The following ZCCHC7 variants were observed in gnomAD, a reference collection of about 807,000 sequenced individuals.
The protein encoded by ZCCHC7 is zinc finger CCHC-type containing 7.
A neutral mutation model predicts 52.0 loss-of-function variants in ZCCHC7; 35 were observed. The observed-to-expected ratio is 0.67, with a 90% CI of 0.51 to 0.89. The LOEUF (loss-of-function observed/expected upper bound fraction) is 0.89. ZCCHC7 is among the 40% of genes least tolerant of loss of function. The pLI, the probability that ZCCHC7 is intolerant of heterozygous loss-of-function variation, is 0.00. For synonymous variants in ZCCHC7, 217 were observed against 221.5 expected, an observed-to-expected ratio of 0.98 and a Z score of 0.18; for missense variants, 574 against 649.1, an observed-to-expected ratio of 0.88 and a Z score of 1.26.
chr9:37,154,730 A>G (rs866994871), intron 2 of ZCCHC7, among the ~76,000 whole-genome samples: 8 of 152,022 alleles, frequency 5.3e-5, no homozygotes, highest in African/African-American at 1.7e-4. Flanking sequence ...CCTAGGCTCA[A>G]GCCATCTATC....
chr9:37,260,853 G>A (rs879853168), intron 2 of ZCCHC7, among the ~76,000 whole-genome samples: 4 of 152,192 alleles, frequency 2.6e-5, no homozygotes, highest in Non-Finnish European at 4.4e-5. Flanking sequence ...CTAAGAGGAA[G>A]GCTTTTGAAA....
At chr9:37,316,207 G>A (rs1012128294) in intron 5 of ZCCHC7, among the ~76,000 whole-genome samples, 4 of 151,944 alleles carry the variant, frequency 2.6e-5, no homozygotes, top group African/African-American at 4.8e-5. Flanking sequence ...CTACAGGCAC[G>A]CACTACAATG....
chr9:37,258,259 C>T (rs749627224), intron 2 of ZCCHC7, among the ~76,000 whole-genome samples: 34 of 152,074 alleles, frequency 2.2e-4, no homozygotes, highest in Non-Finnish European at 3.2e-4. Context: ...CCCTGTCTTA[C>T]AGGGGTTTGA....
At chr9:37,212,026 CAAAAAAAAAAAAAAAAAAAAAAAAAAAAA>C (rs574190937) in intron 2 of ZCCHC7, among the ~76,000 whole-genome samples, 1 of 55,430 alleles carries the variant, frequency 1.8e-5, no homozygotes, top group Non-Finnish European at 3.3e-5. Flanking sequence ...GACTCCGTCT[CAAAAAAAAAAAAAAAAAAAAAAAAAAAAA>C]AAAAAAAAAA....
At chr9:37,194,562 G>C (rs1208124626) in intron 2 of ZCCHC7, among the ~76,000 whole-genome samples, 1 of 152,186 alleles carries the variant, frequency 6.6e-6, no homozygotes, top group African/African-American at 2.4e-5. Flanking sequence ...ATAGAGCTTG[G>C]TGTTGCACAG....
chr9:37,238,032 G>C (rs1274604546), intron 2 of ZCCHC7, among the ~76,000 whole-genome samples: 1 of 152,088 alleles, frequency 6.6e-6, no homozygotes, highest in African/African-American at 2.4e-5. Context: ...CACCTATTTA[G>C]CTTTCAGAGT....
At chr9:37,258,325 A>G (rs946438612) in intron 2 of ZCCHC7, among the ~76,000 whole-genome samples, 2 of 152,206 alleles carry the variant, frequency 1.3e-5, no homozygotes, top group African/African-American at 4.8e-5. Flanking sequence ...ATCTCCTCAC[A>G]GTAGGTTTCC....
chr9:37,314,795 T>C (rs1272795194), intron 5 of ZCCHC7, among the ~76,000 whole-genome samples: 1 of 151,598 alleles, frequency 6.6e-6, no homozygotes, highest in African/African-American at 2.4e-5. Context: ...AGCTTTCTGA[T>C]TGGGTTTTGA....
chr9:37,170,916 T>G (rs540202339), intron 2 of ZCCHC7, among the ~76,000 whole-genome samples: 1 of 152,264 alleles, frequency 6.6e-6, no homozygotes, highest in Admixed American at 6.5e-5. Flanking sequence ...CATCAAAGTA[T>G]AGATCAAAAG....
rs752472456 is a variant in ZCCHC7, at chr9:37,305,546, A to G, written c.783A>G (p.Lys261=). The stretch of plus-strand genomic sequence containing the variant: ...TTTATGTTTTTTTCGCCACATAGAA[A>G]GTTCGTCGCTGCTTCCTGTGCTCCA... The part of the protein sequence containing the change: ...HLSKNCPLPR[K]VRRCFLCSRR... The change falls in exon 5 of 9, where the codon AAA becomes AAG. Residue 261 remains lysine, a splice_region_variant and synonymous_variant. Transcript: ENST00000336755. The G allele has an allele frequency of 9.3e-6, 15 of 1,613,412 alleles. 1 individual carries two copies. The highest frequency in any genetic ancestry group is 1.1e-5 in the Non-Finnish European group (13 of 1,179,906).
chr9:37,236,291 A>C (rs558909063), intron 2 of ZCCHC7, among the ~76,000 whole-genome samples: 1 of 152,308 alleles, frequency 6.6e-6, no homozygotes, highest in South Asian at 2.1e-4. Flanking sequence ...ATTGTATAGA[A>C]CTAGATTTCT....
chr9:37,229,422 G>A (rs1239354451), intron 2 of ZCCHC7, among the ~76,000 whole-genome samples: 1 of 152,096 alleles, frequency 6.6e-6, no homozygotes, highest in Non-Finnish European at 1.5e-5. Flanking sequence ...CTTAAATCTA[G>A]ATGGCATAGC....
At chr9:37,187,475 C>A (rs915433035) in intron 2 of ZCCHC7, among the ~76,000 whole-genome samples, 1 of 152,252 alleles carries the variant, frequency 6.6e-6, no homozygotes, top group African/African-American at 2.4e-5. Context: ...CGGCTGCTCA[C>A]CTCCTGCTGT....
chr9:37,258,147 G>A (rs1337215407), intron 2 of ZCCHC7, among the ~76,000 whole-genome samples: 1 of 152,142 alleles, frequency 6.6e-6, no homozygotes, highest in Non-Finnish European at 1.5e-5. Flanking sequence ...CCCCCCTTGA[G>A]CAGTTTGCTT....
intron 2 of ZCCHC7, among the ~76,000 whole-genome samples, chr9:37,131,645 CAAAAAGAAAAAGAAA>C (rs1210871664): frequency 1.3e-5 from 2 of 151,298 alleles, no homozygotes; most frequent in Non-Finnish European, 2.9e-5. Flanking sequence ...ACTCTTGTCT[CAAAAAGAAAAAGAAA>C]AAAAAGAAAA....
chr9:37,230,728 T>C (rs1198633071), intron 2 of ZCCHC7, among the ~76,000 whole-genome samples: 1 of 152,158 alleles, frequency 6.6e-6, no homozygotes, highest in Non-Finnish European at 1.5e-5. Context: ...TCCATAAATA[T>C]GTGTATAATG....
chr9:37,350,529 A>C (rs761208077), intron 7 of ZCCHC7, among the ~76,000 whole-genome samples: 1 of 152,234 alleles, frequency 6.6e-6, no homozygotes, highest in Non-Finnish European at 1.5e-5. Context: ...TCAGTGGTGA[A>C]AAAACAGATG....
intron 2 of ZCCHC7, among the ~76,000 whole-genome samples, chr9:37,210,769 AG>A (rs1318444218): frequency 1.3e-5 from 2 of 152,182 alleles, no homozygotes; most frequent in Non-Finnish European, 2.9e-5. Flanking sequence ...TCCCTTGGAA[AG>A]GTAGGGGTCA....
intron 2 of ZCCHC7, among the ~76,000 whole-genome samples, chr9:37,188,531 C>G (rs1302158957): frequency 2.0e-5 from 2 of 99,766 alleles, no homozygotes; most frequent in Non-Finnish European, 4.2e-5. Flanking sequence ...CTCCCCACCC[C>G]TCCTTATTAC....
Sources: allele counts gnomAD v4.1 joint callset (sites outside exome capture counted in the v4.1 genomes callset), GRCh38; gene constraint gnomAD v4.1.1; transcripts MANE v1.5; gene names NCBI Gene and HGNC (gene_info 2026-07-23, HGNC 2026-07-21).